Variants in CARHSP1 observed in about 807,000 individuals in gnomAD.
CARHSP1 encodes the protein calcium-regulated heat-stable protein 1.
CARHSP1 carries 14 observed loss-of-function variants against 12.5 expected under a neutral mutation model. The observed-to-expected ratio is 1.12, with a 90% CI of 0.74 to 1.75. The LOEUF is 1.75. Among genes scored for constraint, CARHSP1 ranks in the 40% most tolerant of loss-of-function variants. The probability of loss-of-function intolerance (pLI) is 0.00; values close to 1 mark genes in which losing one functional copy is unlikely to be tolerated. For missense variants in CARHSP1, 343 were observed against 201.6 expected (o/e 1.70, Z -4.25); for synonymous variants, 161 against 82.0 (o/e 1.96, Z -5.20).
intron 1 of CARHSP1, among the ~76,000 whole-genome samples, chr16:8,863,304 G>C (rs954658166): frequency 7.7e-6 from 1 of 129,788 alleles, no homozygotes; most frequent in Non-Finnish European, 1.7e-5. Context: ...GTAGAGACAG[G>C]GTTTCAATAT....
chr16:8,861,749 T>A (rs1006616127), intron 1 of CARHSP1: 10 of 1,285,336 alleles, frequency 7.8e-6, no homozygotes, highest in Non-Finnish European at 1.0e-5. Context: ...AGGCCCCAGC[T>A]GCTGGCCTGG....
intron 1 of CARHSP1, chr16:8,867,883 A>G (rs1010342449): frequency 6.6e-6 from 1 of 152,304 alleles, no homozygotes; most frequent in Non-Finnish European, 1.5e-5. Flanking sequence ...GACTTAGACG[A>G]CAATGGGACT....
rs756390920 is a variant in CARHSP1 at position 8,857,263 on chromosome 16, G to GTTTTTT, written c.281+1081_281+1086dup. Among the ~76,000 whole-genome samples the GTTTTTT allele has an allele frequency of 1.6e-4, 9 of 57,034 alleles. 1 individual carries two copies. The highest frequency in any genetic ancestry group is 1.5e-4 in the Non-Finnish European group (4 of 26,896). 37.4% of individuals were successfully genotyped at this position (57,034 alleles called of 152,430 possible). A position where few individuals can be genotyped will look rare whatever the true frequency, so the allele number is the denominator to read the frequency against. ...TGGCTATGTGATCTTGGGCAGATCT[G>GTTTTTT]TTTTTTTTTTTTTTTTTTTTTTTTT... On this transcript the variant is annotated intron_variant, in intron 3 of 3. Coordinates refer to ENST00000311052, the MANE Select transcript of CARHSP1 (RefSeq NM_014316.4).
In CARHSP1 at chr16:8,859,251, G is replaced by C. The variant is rs2061262050; in HGVS notation, c.78C>G (p.Ser26Arg). The C allele has an allele frequency of 1.2e-6, 2 of 1,601,008 alleles. No homozygotes were observed. The highest frequency in any genetic ancestry group is 1.7e-6 in the Non-Finnish European group (2 of 1,176,554). The change falls in exon 2 of 4, where the codon AGC (serine) becomes AGG (arginine). Residue 26 changes from serine to arginine, a missense_variant. By Grantham distance (110) the Ser-to-Arg change is moderately radical. Coordinates refer to ENST00000311052, the MANE Select transcript of CARHSP1 (RefSeq NM_014316.4). Reference sequence around the variant, plus strand: ...GCAGAGGGGATGGTGAGCGCTCACGGCTCCGAGGGGTGTCCAGCAGCCCGA... The same window carrying C: ...GCAGAGGGGATGGTGAGCGCTCACGCCTCCGAGGGGTGTCCAGCAGCCCGA... ...ASVGLLDTPR[S>R]RERSPSPLRG...
intron 3 of CARHSP1, among the ~76,000 whole-genome samples, chr16:8,856,804 G>A (rs948937229): frequency 6.9e-6 from 1 of 145,930 alleles, no homozygotes; most frequent in Non-Finnish European, 1.5e-5. Flanking sequence ...CAGATCGAGG[G>A]TCCTCCCCTG....
In CARHSP1 at chr16:8,858,529, T is replaced by G. The variant is rs568504047; in HGVS notation, c.159-57A>C. On this transcript the variant is annotated intron_variant, in intron 2 of 3. Transcript: ENST00000311052. ...ATCAGCGCTCCTGGGCACACAAAGCTCATTCCAGCCCCTGCCCACAGCTGT... is the reference window on the plus strand; with the variant it reads ...ATCAGCGCTCCTGGGCACACAAAGCGCATTCCAGCCCCTGCCCACAGCTGT... 2.5e-4 allele frequency: 405 copies of G among 1,592,980 alleles called. 1 individual carries two copies. In the African/African-American group the frequency reaches 4.7e-3, roughly 18 times the overall value.
chr16:8,868,711 G>C (rs923552376), intron 1 of CARHSP1: 1 of 151,988 alleles, frequency 6.6e-6, no homozygotes, highest in African/African-American at 2.4e-5. Context: ...AGGTGGCCAG[G>C]CGGGAAGTAC....
chr16:8,856,927 CAGGA>C (rs903344319), intron 3 of CARHSP1, among the ~76,000 whole-genome samples: 107 of 152,082 alleles, frequency 7.0e-4, no homozygotes, highest in African/African-American at 2.5e-3. Context: ...TTCAGACACT[CAGGA>C]AGGAAGGACG....
chr16:8,858,669 G>C, intron 2 of CARHSP1, 197 bp from the exon 3 acceptor site: 2 of 597,362 alleles, frequency 3.3e-6, no homozygotes, highest in Admixed American at 3.4e-5. Flanking sequence ...CTCTTTGGAT[G>C]ACCCTGGCCA....
chr16:8,862,846 GTCC>G (rs2061390607), intron 1 of CARHSP1, among the ~76,000 whole-genome samples: 1 of 151,920 alleles, frequency 6.6e-6, no homozygotes. Context: ...CACCATCGTC[GTCC>G]TCCTTGCATC....
At chr16:8,856,518 G>C (rs1423870972) in intron 3 of CARHSP1, among the ~76,000 whole-genome samples, 1 of 151,098 alleles carries the variant, frequency 6.6e-6, no homozygotes, top group African/African-American at 2.4e-5. Flanking sequence ...TCCTTTCTGG[G>C]ACAAGGCAGT....
intron 1 of CARHSP1, chr16:8,859,962 G>C (rs529707627): frequency 1.1e-5 from 2 of 177,038 alleles, no homozygotes; most frequent in Non-Finnish European, 2.2e-5. Context: ...GGGCTACAGA[G>C]CAAGACTCTG....
At chr16:8,861,928 C>T (rs1007015046) in intron 1 of CARHSP1, 2 of 519,218 alleles carry the variant, frequency 3.9e-6, no homozygotes, top group African/African-American at 4.1e-5. Flanking sequence ...AGAGACACTG[C>T]CCTGCCTTGT....
intron 1 of CARHSP1, among the ~76,000 whole-genome samples, chr16:8,862,673 G>A (rs907085790): frequency 6.6e-6 from 1 of 152,158 alleles, no homozygotes; most frequent in Non-Finnish European, 1.5e-5. Flanking sequence ...CCAGGTATAG[G>A]GAACAGCCTG....
Position 8,855,186 on chromosome 16 carries a change from G to A in CARHSP1, c.422C>T (p.Ser141Phe). 6.2e-7 allele frequency: 1 copy of A among 1,610,872 alleles called. No individual in the cohort carries two copies. The highest frequency in any genetic ancestry group is 8.5e-7 in the Non-Finnish European group (1 of 1,178,058). The change falls in exon 4 of 4, where the codon TCT becomes TTT. Residue 141 changes from serine to phenylalanine, a missense_variant. By Grantham distance (155) the Ser-to-Phe change is radical. Transcript: ENST00000311052. ...LAPGTKHETW[S>F]GHVISS ...CTCCTAGGAGCTGATGACATGTCCA[G>A]ACCAGGTCTCATGCTTGGTGCCTGG... is the stretch of plus-strand genomic sequence containing the variant.
At chr16:8,865,297 A>T (rs758586266) in intron 1 of CARHSP1, among the ~76,000 whole-genome samples, 67 of 152,004 alleles carry the variant, frequency 4.4e-4, no homozygotes, top group Non-Finnish European at 8.2e-4. Flanking sequence ...TTTAGTAGAG[A>T]CGGGGTTTCA....
In CARHSP1 at chr16:8,854,182, C is replaced by T. The variant is rs1293288562; in HGVS notation, c.*982G>A. On this transcript the variant is annotated 3_prime_UTR_variant, in exon 4 of 4. Transcript: ENST00000311052. ...ATGAAAAATAAGAAAAAAAAAATCC[C>T]TAAGCATTTCTTAACACTAGTTTTA... The T allele has an allele frequency of 6.6e-6, 1 of 152,110 alleles. No homozygotes were observed. Among genetic ancestry groups the T allele is most frequent in the Non-Finnish European group, 1.5e-5 (1 of 68,004 alleles). 9.4% of individuals were successfully genotyped at this position (152,110 alleles called of 1,614,324 possible). A position where few individuals can be genotyped will look rare whatever the true frequency, so the allele number is the denominator to read the frequency against.
intron 3 of CARHSP1, among the ~76,000 whole-genome samples, chr16:8,855,809 A>T (rs1398357678): frequency 1.3e-5 from 2 of 152,158 alleles, no homozygotes; most frequent in East Asian, 3.9e-4. Context: ...CTTTGTTCTC[A>T]AATTCCCCAG....
intron 3 of CARHSP1, 36 bp from the exon 4 acceptor site, chr16:8,855,362 C>A (rs375416828): frequency 6.9e-7 from 1 of 1,458,838 alleles, no homozygotes; most frequent in Non-Finnish European, 9.2e-7. Context: ...AGGGCTCACA[C>A]CGGGACACAG....
Sources: gnomAD v4.1 joint callset for allele counts (sites outside exome capture counted in the v4.1 genomes callset) on GRCh38, gnomAD v4.1.1 for gene constraint, MANE v1.5 for transcripts, NCBI Gene and HGNC (gene_info 2026-07-23, HGNC 2026-07-21) for gene names.